CREBL2: variants seen among roughly 807,000 people sequenced by gnomAD.
The protein encoded by CREBL2 is cAMP responsive element binding protein like 2.
CREBL2 carries 4 observed loss-of-function variants against 19.5 expected under a neutral mutation model. The observed-to-expected ratio is 0.20, with a 90% CI of 0.10 to 0.47. The LOEUF is 0.47. CREBL2 is among the 20% of genes least tolerant of loss of function. The probability of loss-of-function intolerance (pLI) is 0.98; values close to 1 mark genes in which losing one functional copy is unlikely to be tolerated. For synonymous variants in CREBL2, 42 were observed against 46.6 expected, an observed-to-expected ratio of 0.90 and a Z score of 0.40; for missense variants, 85 against 145.1, an observed-to-expected ratio of 0.59 and a Z score of 2.13.
rs1483409459 is a variant in CREBL2, at chr12:12,643,287, G to T, written c.*1289G>T. On this transcript the variant is annotated 3_prime_UTR_variant, in exon 4 of 4. Coordinates refer to ENST00000228865, the MANE Select transcript of CREBL2 (RefSeq NM_001310.4). ...CTGACTACCAAATGGAGTGACGGTT[G>T]AAGAATCAAGCTCATAATATGATAC... The T allele has an allele frequency of 6.6e-6, 1 of 152,574 alleles. No homozygotes were observed. Among genetic ancestry groups the T allele is most frequent in the East Asian group, 1.9e-4 (1 of 5,198 alleles). 9.5% of individuals were successfully genotyped at this position (152,574 alleles called of 1,614,324 possible).
chr12:12,623,837 C>T (rs768443910), intron 1 of CREBL2, among the ~76,000 whole-genome samples: 15 of 152,234 alleles, frequency 9.9e-5, no homozygotes, highest in East Asian at 3.9e-4. Context: ...GTGGATGGGC[C>T]GTAAATCCAG....
chr12:12,637,562 T>C lies in CREBL2; in HGVS notation c.214-8T>C, dbSNP rs1945484193. The C allele has an allele frequency of 2.9e-6, 4 of 1,370,364 alleles. No homozygotes were observed. Among genetic ancestry groups the C allele is most frequent in the Non-Finnish European group, 3.8e-6 (4 of 1,054,674 alleles). The allele number at this position is 1,370,364 out of a possible 1,614,324, so 84.9% of individuals were successfully genotyped here. A position where few individuals can be genotyped will look rare whatever the true frequency, so the allele number is the denominator to read the frequency against. ...TTATATTTATATTTAAAATTAAATA[T>C]GTTTCAGTACAAGCAGTGGTGCATG... On this transcript the variant is annotated splice_polypyrimidine_tract_variant and splice_region_variant and intron_variant, in intron 2 of 3. Coordinates refer to ENST00000228865, the MANE Select transcript of CREBL2 (RefSeq NM_001310.4).
At chr12:12,641,900 A>G (rs1945525137) in intron 3 of CREBL2, 94 bp from the exon 4 acceptor site, 1 of 752,516 alleles carries the variant, frequency 1.3e-6, no homozygotes. Flanking sequence ...TGAAGATACT[A>G]AACTGAAAAA....
chr12:12,632,053 A>G (rs1407107038), intron 1 of CREBL2, among the ~76,000 whole-genome samples: 1 of 147,142 alleles, frequency 6.8e-6, no homozygotes, highest in Non-Finnish European at 1.5e-5. Context: ...CCTTGGATTC[A>G]TATACTATGC....
chr12:12,637,766 C>T lies in CREBL2; in HGVS notation c.358+52C>T, dbSNP rs574947973. ...TATTTAAGAGAGTGTCTCGGTTGGG[C>T]GCAGTGGCTCATGACTGTAATCCTA... On this transcript the variant is annotated intron_variant, in intron 3 of 3. Transcript: ENST00000228865. The T allele has an allele frequency of 3.3e-5, 50 of 1,524,628 alleles. 2 individuals are homozygous for T. The South Asian group carries it at 3.8e-4, about 12-fold the overall frequency. The allele number at this position is 1,524,628 out of a possible 1,614,324, so 94.4% of individuals were successfully genotyped here.
At chr12:12,632,994 C>T (rs962260630) in intron 1 of CREBL2, among the ~76,000 whole-genome samples, 1 of 151,010 alleles carries the variant, frequency 6.6e-6, no homozygotes, top group Non-Finnish European at 1.5e-5. Flanking sequence ...AGTGCAGTGG[C>T]CCGATCTGGA....
intron 3 of CREBL2, among the ~76,000 whole-genome samples, chr12:12,641,026 T>C (rs185460968): frequency 6.6e-6 from 1 of 152,068 alleles, no homozygotes; most frequent in East Asian, 1.9e-4. Context: ...TTTATTTGGG[T>C]GATTGATCCA....
intron 1 of CREBL2, among the ~76,000 whole-genome samples, chr12:12,625,654 C>T (rs1945396238): frequency 6.6e-6 from 1 of 152,128 alleles, no homozygotes; most frequent in African/African-American, 2.4e-5. Flanking sequence ...AGTCCTTGCT[C>T]TGATGGAAGT....
chr12:12,641,133 A>G (rs1339512064), intron 3 of CREBL2, among the ~76,000 whole-genome samples: 4 of 151,448 alleles, frequency 2.6e-5, no homozygotes. Flanking sequence ...GAAACTGGAA[A>G]GACTTTAAAA....
rs892249824 is a variant in CREBL2 at position 12,635,667 on chromosome 12, G to A, written c.16-110G>A. On this transcript the variant is annotated intron_variant, in intron 1 of 3. Coordinates refer to ENST00000228865, the MANE Select transcript of CREBL2 (RefSeq NM_001310.4). The stretch of plus-strand genomic sequence containing the variant: ...GATTATGCTTTCTTAGTTCCGTAGG[G>A]CTTCACTCACGTTTTGTTTATAAAT... 1.3e-5 allele frequency: 17 copies of A among 1,269,338 alleles called. No homozygotes were observed. The East Asian group carries it at 3.8e-4, about 28-fold the overall frequency. 78.6% of individuals were successfully genotyped at this position (1,269,338 alleles called of 1,614,324 possible).
intron 2 of CREBL2, among the ~76,000 whole-genome samples, chr12:12,636,303 T>A (rs1182714865): frequency 6.6e-6 from 1 of 152,256 alleles, no homozygotes; most frequent in South Asian, 2.1e-4. Flanking sequence ...AATGCACATA[T>A]ATTTACTGAT....
chr12:12,612,263 T>C lies in CREBL2; in HGVS notation c.15+76T>C, dbSNP rs527413194. On this transcript the variant is annotated intron_variant, in intron 1 of 3. Transcript: ENST00000228865. ...GTCCCGCGGCTGAACCTCCGCTATG[T>C]AGTCCACGCCAACACCCAAGAGACA... 7 of 1,610,762 alleles carry C rather than the reference T, an allele frequency of 4.3e-6. No individual in the cohort carries two copies. In the South Asian group the frequency reaches 6.6e-5, roughly 15 times the overall value.
Position 12,612,094 on chromosome 12 carries a change from G to A in CREBL2, c.-79G>A, listed in dbSNP as rs1252006932. On this transcript the variant is annotated 5_prime_UTR_variant, in exon 1 of 4. Transcript: ENST00000228865. Reference sequence around the variant, plus strand: ...GAACCATATCCCCTTCTTCCTCGGGGCGGGGGCCGGGCCAGGCCGGCTGAG... The same window carrying A: ...GAACCATATCCCCTTCTTCCTCGGGACGGGGGCCGGGCCAGGCCGGCTGAG... 1 of 1,565,636 alleles carries A rather than the reference G, an allele frequency of 6.4e-7. No individual in the cohort carries two copies. Among genetic ancestry groups the A allele is most frequent in the Non-Finnish European group, 8.7e-7 (1 of 1,145,678 alleles).
At chr12:12,613,491 G>T (rs982541101) in intron 1 of CREBL2, among the ~76,000 whole-genome samples, 1 of 151,962 alleles carries the variant, frequency 6.6e-6, no homozygotes, top group Admixed American at 6.5e-5. Flanking sequence ...CAACTTCTCT[G>T]TGTTCCTTGT....
chr12:12,618,901 T>C (rs1048848642), intron 1 of CREBL2, among the ~76,000 whole-genome samples: 2 of 151,944 alleles, frequency 1.3e-5, no homozygotes, highest in Non-Finnish European at 2.9e-5. Flanking sequence ...CAGTCAGGCG[T>C]GGCGGCGCAC....
At chr12:12,629,845 T>C (rs1322698375) in intron 1 of CREBL2, among the ~76,000 whole-genome samples, 2 of 152,200 alleles carry the variant, frequency 1.3e-5, no homozygotes, top group African/African-American at 4.8e-5. Flanking sequence ...AAGTCCTTTT[T>C]TTGTGTGTGT....
chr12:12,627,379 C>T (rs1334320949), intron 1 of CREBL2, among the ~76,000 whole-genome samples: 1 of 152,114 alleles, frequency 6.6e-6, no homozygotes, highest in Non-Finnish European at 1.5e-5. Flanking sequence ...AAAAAAGAAA[C>T]TCTGAGGCCA....
chr12:12,625,334 T>A (rs1475951399), intron 1 of CREBL2, among the ~76,000 whole-genome samples: 1 of 152,104 alleles, frequency 6.6e-6, no homozygotes, highest in Admixed American at 6.5e-5. Flanking sequence ...TGGCATCACT[T>A]TAGTGGGTGA....
chr12:12,625,284 GAGA>G (rs1355706729), intron 1 of CREBL2, among the ~76,000 whole-genome samples: 1 of 152,296 alleles, frequency 6.6e-6, no homozygotes, highest in African/African-American at 2.4e-5. Flanking sequence ...AGTAGGAATG[GAGA>G]AGAAGAGAGA....
Sources: gnomAD v4.1 joint callset for allele counts (sites outside exome capture counted in the v4.1 genomes callset) on GRCh38, gnomAD v4.1.1 for gene constraint, MANE v1.5 for transcripts, NCBI Gene and HGNC (gene_info 2026-07-23, HGNC 2026-07-21) for gene names.